The following COL23A1 variants were observed in gnomAD, a reference collection of about 807,000 sequenced individuals.
The protein encoded by COL23A1 is collagen type XXIII alpha 1 chain, also known as collagen alpha-1(XXIII) chain.
In COL23A1, 97 loss-of-function variants were observed where a neutral mutation model predicts 99.3. The observed-to-expected ratio is 0.98, with a 90% confidence interval of 0.83 to 1.16. The LOEUF is 1.16. Ranked by LOEUF, COL23A1 falls within the 50% of genes most tolerant of loss-of-function variation. The pLI is 0.00. For missense variants in COL23A1, 762 were observed against 757.4 expected (o/e 1.01, Z -0.07); for synonymous variants, 320 against 308.2 (o/e 1.04, Z -0.40).
chr5:178,336,380 C>T (rs561593036), intron 2 of COL23A1, among the ~76,000 whole-genome samples: 20 of 152,298 alleles, frequency 1.3e-4, no homozygotes, highest in African/African-American at 4.8e-4. Context: ...CATGGTCTAT[C>T]CATACAATGG....
chr5:178,355,258 G>A lies in COL23A1; in HGVS notation c.362-48339C>T, dbSNP rs113123322. On this transcript the variant is annotated intron_variant, in intron 2 of 28. Transcript: ENST00000390654. ...ATCACACCACTGCTCTCCAGTCTGG[G>A]CCACAAAGAACCTCAAATAAAATAA... 3.3e-3 allele frequency among the ~76,000 whole-genome samples: 381 copies of A among 113,846 alleles called. 1 individual carries two copies. Among genetic ancestry groups the A allele is most frequent in the African/African-American group, 0.011 (371 of 33,010 alleles). 74.7% of individuals were successfully genotyped at this position (113,846 alleles called of 152,430 possible). A position where few individuals can be genotyped will look rare whatever the true frequency, so the allele number is the denominator to read the frequency against.
chr5:178,251,020 A>C (rs920586394), intron 17 of COL23A1, among the ~76,000 whole-genome samples: 1 of 126,570 alleles, frequency 7.9e-6, no homozygotes, highest in Non-Finnish European at 1.6e-5. Flanking sequence ...TCTAATCGCA[A>C]GATAATTTTT....
At chr5:178,442,480 G>A (rs920036060) in intron 2 of COL23A1, among the ~76,000 whole-genome samples, 4 of 152,172 alleles carry the variant, frequency 2.6e-5, no homozygotes, top group African/African-American at 9.7e-5. Flanking sequence ...CAGAGTGCAA[G>A]CTTTATGAAT....
rs1207599542 is a variant in COL23A1 at position 178,309,316 on chromosome 5, C to A, written c.362-2397G>T. Among the ~76,000 whole-genome samples, 1 of 152,128 alleles carries A rather than the reference C, an allele frequency of 6.6e-6. No homozygotes were observed. The highest frequency in any genetic ancestry group is 2.4e-5 in the African/African-American group (1 of 41,440). On this transcript the variant is annotated intron_variant, in intron 2 of 28. Coordinates refer to ENST00000390654, the MANE Select transcript of COL23A1 (RefSeq NM_173465.4). The surrounding 1 kb of genome is among the most constrained non-coding windows in gnomAD (Gnocchi z 4.7). ...CCAGGCAGGGTAGGGTGCCTGCCTC[C>A]CAGGGTCACTGGGCGATGCCCCCTG...
At chr5:178,523,564 G>A (rs775242407) in intron 2 of COL23A1, 3 of 151,990 alleles carry the variant, frequency 2.0e-5, no homozygotes, top group Admixed American at 1.3e-4. Context: ...AAAGCTCTGC[G>A]CCTGTCTAGC....
chr5:178,406,604 A>G (rs1410104921), intron 2 of COL23A1, among the ~76,000 whole-genome samples: 1 of 151,596 alleles, frequency 6.6e-6, no homozygotes, highest in African/African-American at 2.4e-5. Context: ...TAATTTTTGT[A>G]TTTTTAGTAG....
At chr5:178,380,492 C>A (rs143448295) in intron 2 of COL23A1, among the ~76,000 whole-genome samples, 57 of 152,216 alleles carry the variant, frequency 3.7e-4, no homozygotes, top group African/African-American at 1.3e-3. Context: ...GGAAAAGGCA[C>A]TGTCACCACA....
chr5:178,273,145 G>A (rs1756389211), intron 5 of COL23A1, among the ~76,000 whole-genome samples: 1 of 152,226 alleles, frequency 6.6e-6, no homozygotes, highest in Non-Finnish European at 1.5e-5. Flanking sequence ...AGGCCCCCTG[G>A]ATGTGAAGCA....
intron 2 of COL23A1, among the ~76,000 whole-genome samples, chr5:178,521,245 A>G (rs1759923694): frequency 6.6e-6 from 1 of 152,174 alleles, no homozygotes; most frequent in African/African-American, 2.4e-5. Flanking sequence ...ACTTTATTAC[A>G]TTTACTCGCT....
chr5:178,277,203 A>T (rs1756636136), intron 5 of COL23A1, among the ~76,000 whole-genome samples: 1 of 17,224 alleles, frequency 5.8e-5, no homozygotes, highest in South Asian at 8.4e-4. Context: ...TCATCTCTAA[A>T]AAAAAAAAAA....
At chr5:178,463,050 A>G (rs1368713711) in intron 2 of COL23A1, among the ~76,000 whole-genome samples, 3 of 152,274 alleles carry the variant, frequency 2.0e-5, no homozygotes, top group Non-Finnish European at 2.9e-5. Context: ...AGGCCACGTC[A>G]GCAGATGGTT....
At chr5:178,314,126 G>A (rs1758852283) in intron 2 of COL23A1, among the ~76,000 whole-genome samples, 1 of 152,138 alleles carries the variant, frequency 6.6e-6, no homozygotes, top group African/African-American at 2.4e-5. Context: ...AGGCTGGCCA[G>A]CTTGCTCTGG....
chr5:178,458,289 T>C lies in COL23A1; in HGVS notation c.361+102393A>G, dbSNP rs1049206976. On this transcript the variant is annotated intron_variant, in intron 2 of 28. Transcript: ENST00000390654. ...ACTGTACCACAGGGTAGCTGAACAG[T>C]GGATGCAGGGGGCGGGGGTGCAGTT... Among the ~76,000 whole-genome samples the C allele has an allele frequency of 1.2e-3, 178 of 151,924 alleles. 2 individuals are homozygous for C. The highest frequency in any genetic ancestry group is 4.0e-4 in the Non-Finnish European group (27 of 67,978).
At chr5:178,290,333 A>T in intron 4 of COL23A1, 29 bp downstream of exon 4, 2 of 1,613,940 alleles carry the variant, frequency 1.2e-6, no homozygotes, top group Non-Finnish European at 1.7e-6. Context: ...TATCTTTCAG[A>T]AGCAGACAGC....
At chr5:178,339,629 C>A (rs969924726) in intron 2 of COL23A1, among the ~76,000 whole-genome samples, 6 of 152,198 alleles carry the variant, frequency 3.9e-5, no homozygotes, top group African/African-American at 1.2e-4. Flanking sequence ...ATGATGTAAG[C>A]ACTGAGGATA....
intron 2 of COL23A1, among the ~76,000 whole-genome samples, chr5:178,390,035 C>T (rs1177609134): frequency 2.6e-5 from 4 of 152,164 alleles, no homozygotes; most frequent in South Asian, 2.1e-4. Context: ...GTGCTCAGGA[C>T]GGATCTGTGG....
intron 2 of COL23A1, among the ~76,000 whole-genome samples, chr5:178,537,527 A>C (rs1176514971): frequency 6.6e-6 from 1 of 152,170 alleles, no homozygotes; most frequent in East Asian, 1.9e-4. Context: ...CCTCAGAGGG[A>C]GTCTGTGGCA....
At chr5:178,404,562 T>TCGA (rs762432709) in intron 2 of COL23A1, among the ~76,000 whole-genome samples, 1 of 58,512 alleles carries the variant, frequency 1.7e-5, no homozygotes, top group Non-Finnish European at 2.3e-5. Flanking sequence ...TGATTCCTTA[T>TCGA]GGTGAACCTG....
chr5:178,479,524 A>G (rs1218821445), intron 2 of COL23A1, among the ~76,000 whole-genome samples: 1 of 152,156 alleles, frequency 6.6e-6, no homozygotes, highest in African/African-American at 2.4e-5. Flanking sequence ...AGGAAGACAC[A>G]TGGCTCCTTC....
Sources: allele counts gnomAD v4.1 joint callset (sites outside exome capture counted in the v4.1 genomes callset), GRCh38; gene constraint gnomAD v4.1.1; non-coding constraint Gnocchi (gnomAD v3.1); transcripts MANE v1.5; gene names NCBI Gene and HGNC (gene_info 2026-07-23, HGNC 2026-07-21).